TAOK3: variants seen among roughly 807,000 people sequenced by gnomAD.
TAOK3 encodes the protein TAO kinase 3, also known as serine/threonine-protein kinase TAO3.
TAOK3 carries 40 observed loss-of-function variants against 120.4 expected under a neutral mutation model. The ratio of observed to expected loss-of-function variants is 0.33; its 90% CI spans 0.26 to 0.43. The LOEUF (loss-of-function observed/expected upper bound fraction) is 0.43, where lower values mean the gene tolerates loss of function less well. Among genes scored for constraint, TAOK3 ranks in the 20% least tolerant of loss-of-function variants. The pLI is 1.00. For missense variants in TAOK3, 821 were observed against 1,112.1 expected, an observed-to-expected ratio of 0.74 and a Z score of 3.72; for synonymous variants, 355 against 387.5, an observed-to-expected ratio of 0.92 and a Z score of 0.99.
At chr12:118,251,075 C>G (rs951399307) in intron 3 of TAOK3, among the ~76,000 whole-genome samples, 1 of 151,974 alleles carries the variant, frequency 6.6e-6, no homozygotes, top group Non-Finnish European at 1.5e-5. Context: ...GGCCTAAGAA[C>G]GAGGGAGAGC....
chr12:118,325,402 G>T (rs2043896480), intron 1 of TAOK3, among the ~76,000 whole-genome samples: 1 of 152,096 alleles, frequency 6.6e-6, no homozygotes, highest in South Asian at 2.1e-4. Context: ...CCTGTCTTTT[G>T]GGTGAAAGTC....
At chr12:118,224,341 A>G (rs143850876) in intron 9 of TAOK3, among the ~76,000 whole-genome samples, 1 of 152,312 alleles carries the variant, frequency 6.6e-6, no homozygotes, top group East Asian at 1.9e-4. Flanking sequence ...CTCCCCAACA[A>G]CGATCATGGT....
intron 9 of TAOK3, among the ~76,000 whole-genome samples, chr12:118,221,240 T>C (rs1203321474): frequency 6.6e-6 from 1 of 152,230 alleles, no homozygotes; most frequent in Non-Finnish European, 1.5e-5. Flanking sequence ...TTTTCTTTTT[T>C]TGAGACAGAG....
intron 1 of TAOK3, among the ~76,000 whole-genome samples, chr12:118,358,042 T>G (rs190211150): frequency 4.8e-4 from 73 of 152,346 alleles, no homozygotes; most frequent in Admixed American, 2.4e-3. Context: ...AGTCACATGT[T>G]AGCCTATGCA....
At chr12:118,157,306 A>C (rs183569057) in intron 19 of TAOK3, among the ~76,000 whole-genome samples, 2 of 152,260 alleles carry the variant, frequency 1.3e-5, no homozygotes, top group Admixed American at 1.3e-4. Context: ...TCAAAAACAC[A>C]AATCTGATGT....
intron 9 of TAOK3, among the ~76,000 whole-genome samples, chr12:118,218,023 CT>C (rs1345719817): frequency 2.0e-5 from 3 of 150,596 alleles, no homozygotes; most frequent in Non-Finnish European, 4.4e-5. Flanking sequence ...CCACGCCTCG[CT>C]AATTTTTTTG....
chr12:118,300,568 C>T (rs546758692), intron 1 of TAOK3, among the ~76,000 whole-genome samples: 13 of 152,046 alleles, frequency 8.6e-5, no homozygotes, highest in African/African-American at 1.4e-4. Flanking sequence ...CTCACTATAG[C>T]GCACACACAT....
intron 15 of TAOK3, 28 bp downstream of exon 15, chr12:118,181,343 G>A: frequency 6.4e-7 from 1 of 1,563,658 alleles, no homozygotes; most frequent in Non-Finnish European, 8.8e-7. Context: ...CTTGGTTGTG[G>A]CATGAAGGCG....
In TAOK3 at chr12:118,239,566, A is replaced by G. The variant is rs548109447; in HGVS notation, c.295-294T>C. On this transcript the variant is annotated intron_variant, in intron 5 of 20. Transcript: ENST00000392533. ...TGCCAATTTATTTATTAACTCCTTC[A>G]CTACTTTATTTCAAAAAGGATTCAG... Among the ~76,000 whole-genome samples, 176 of 152,344 alleles carry G rather than the reference A, an allele frequency of 1.2e-3. 1 individual carries two copies. Among genetic ancestry groups the G allele is most frequent in the African/African-American group, 3.8e-3 (160 of 41,582 alleles).
chr12:118,175,757 A>G (rs73220128), intron 16 of TAOK3, among the ~76,000 whole-genome samples: 15,805 of 152,296 alleles, frequency 0.1, 1,079 homozygotes, highest in Middle Eastern at 0.31. Context: ...ACTAAGGTTT[A>G]TGAGAAGAAA....
chr12:118,189,813 T>C lies in TAOK3; in HGVS notation c.1323A>G (p.Ala441=). ...TAGAGGGGTGTTTGCTTACCAAAGA[T>C]GCTGATTTGATCGTGGCAAAGCGCT... The part of the protein sequence containing the change: ...NRERFATIKS[A]SLVTRQIHEH... Residue 441 remains alanine (A), a synonymous_variant, in exon 14 of 21, where the codon GCA becomes GCG. Transcript: ENST00000392533. The C allele has an allele frequency of 6.2e-7, 1 of 1,614,160 alleles. No homozygotes were observed.
intron 11 of TAOK3, among the ~76,000 whole-genome samples, chr12:118,211,473 G>A (rs533734793): frequency 3.9e-5 from 6 of 151,990 alleles, no homozygotes; most frequent in East Asian, 1.9e-4. Context: ...CTACATGTTC[G>A]TTGCTTATAA....
intron 1 of TAOK3, among the ~76,000 whole-genome samples, chr12:118,341,592 A>G (rs890873502): frequency 6.6e-6 from 1 of 152,224 alleles, no homozygotes; most frequent in Non-Finnish European, 1.5e-5. Context: ...GTATGGACAC[A>G]TGATCAAGTT....
chr12:118,276,631 G>C (rs927335055), intron 1 of TAOK3, among the ~76,000 whole-genome samples: 1 of 152,158 alleles, frequency 6.6e-6, no homozygotes, highest in Non-Finnish European at 1.5e-5. Flanking sequence ...GAACTGGGGG[G>C]GCGGAGCTTG....
chr12:118,342,669 C>T (rs1366188860), intron 1 of TAOK3, among the ~76,000 whole-genome samples: 1 of 152,114 alleles, frequency 6.6e-6, no homozygotes, highest in Non-Finnish European at 1.5e-5. Flanking sequence ...CTCTACAGCT[C>T]ACACCTGAAA....
At chr12:118,225,393 TA>T (rs34791558) in intron 9 of TAOK3, among the ~76,000 whole-genome samples, 15,996 of 141,740 alleles carry the variant, frequency 0.11, 916 homozygotes, top group Middle Eastern at 0.16. Context: ...GTCTTGCATG[TA>T]AAAAAAAAAA....
At chr12:118,304,648 A>G (rs2042985889) in intron 1 of TAOK3, among the ~76,000 whole-genome samples, 2 of 152,238 alleles carry the variant, frequency 1.3e-5, no homozygotes, top group South Asian at 2.1e-4. Context: ...CACTGCTTTA[A>G]GGCTTTTGCT....
intron 2 of TAOK3, among the ~76,000 whole-genome samples, chr12:118,262,502 TC>T (rs943007453): frequency 4.2e-4 from 63 of 150,856 alleles, no homozygotes; most frequent in African/African-American, 1.1e-3. Flanking sequence ...AAAAAGAAAA[TC>T]AAATTTAAAA....
At chr12:118,225,246 CAA>C (rs34923071) in intron 9 of TAOK3, among the ~76,000 whole-genome samples, 1,893 of 75,750 alleles carry the variant, frequency 0.025, 18 homozygotes, top group African/African-American at 0.093. Flanking sequence ...GAGACTGTCT[CAA>C]AAAAAAAAAA....
Sources: gnomAD v4.1 joint callset for allele counts (sites outside exome capture counted in the v4.1 genomes callset) on GRCh38, gnomAD v4.1.1 for gene constraint, MANE v1.5 for transcripts, NCBI Gene and HGNC (gene_info 2026-07-23, HGNC 2026-07-21) for gene names.